Variants in IL4R observed in about 807,000 individuals in gnomAD.
IL4R encodes interleukin-4 receptor subunit alpha.
IL4R carries 17 observed loss-of-function variants against 41.5 expected under a neutral mutation model. That is an observed-to-expected ratio of 0.41 (90% confidence interval 0.28 to 0.61). The LOEUF (loss-of-function observed/expected upper bound fraction) is 0.61. Among genes scored for constraint, IL4R ranks in the 20% least tolerant of loss-of-function variants. The pLI is 0.31. For synonymous variants in IL4R, 402 were observed against 422.9 expected, an observed-to-expected ratio of 0.95 and a Z score of 0.61; for missense variants, 974 against 1,043.1, an observed-to-expected ratio of 0.93 and a Z score of 0.91.
upstream of IL4R, chr16:27,313,969 C>T (rs575497917): frequency 5.1e-6 from 5 of 984,626 alleles, no homozygotes; most frequent in East Asian, 5.7e-4. Flanking sequence ...ACCCAGGGGT[C>T]CCCCACTTCC....
chr16:27,337,575 C>CTTT, intron 2 of IL4R, among the ~76,000 whole-genome samples: 1 of 142,326 alleles, frequency 7.0e-6, no homozygotes, highest in South Asian at 2.2e-4. Flanking sequence ...TTTTCTTTTT[C>CTTT]TTTTTTTTTT....
At chr16:27,323,282 T>C (rs150637706) in intron 1 of IL4R, among the ~76,000 whole-genome samples, 2 of 152,350 alleles carry the variant, frequency 1.3e-5, no homozygotes, top group East Asian at 1.9e-4. Flanking sequence ...AATTCCTACC[T>C]GGTTACTTCC....
At chr16:27,350,711 A>G (rs751138745) in intron 6 of IL4R, among the ~76,000 whole-genome samples, 77 of 152,140 alleles carry the variant, frequency 5.1e-4, no homozygotes, top group Non-Finnish European at 9.7e-4. Flanking sequence ...TTGGAGGGTA[A>G]AAGTAATAGT....
At chr16:27,332,861 A>G (rs1312761765) in intron 2 of IL4R, among the ~76,000 whole-genome samples, 1 of 151,930 alleles carries the variant, frequency 6.6e-6, no homozygotes, top group Non-Finnish European at 1.5e-5. Context: ...TTGATAGGCT[A>G]TATTTTCATT....
intron 1 of IL4R, among the ~76,000 whole-genome samples, chr16:27,323,858 C>T (rs1414301348): frequency 6.6e-6 from 1 of 152,046 alleles, no homozygotes; most frequent in East Asian, 1.9e-4. Context: ...GGGGTCTTGC[C>T]ATGTTACCCA....
intron 6 of IL4R, among the ~76,000 whole-genome samples, chr16:27,350,932 G>A (rs2085846548): frequency 6.6e-6 from 1 of 152,172 alleles, no homozygotes; most frequent in African/African-American, 2.4e-5. Context: ...TGTGTGTTCA[G>A]TCATCGCTGT....
chr16:27,361,202 G>T (rs3024694), intron 10 of IL4R, among the ~76,000 whole-genome samples: 1 of 151,746 alleles, frequency 6.6e-6, no homozygotes, highest in Admixed American at 6.6e-5. Flanking sequence ...GCAGTGGTGC[G>T]ATCATAGCTC....
intron 10 of IL4R, chr16:27,361,117 A>G: frequency 9.3e-7 from 1 of 1,075,596 alleles, no homozygotes; most frequent in South Asian, 1.8e-5. Flanking sequence ...ACTTGTCGGC[A>G]AATAGCCACT....
rs542924139 is a variant in IL4R, at chr16:27,342,870, A to C, written c.209+611A>C. ...ATCTTCAGATCAATTACATGATCACAGGTCATGTAGCCTCTAGAAAATTCC... is the reference window on the plus strand; with the variant it reads ...ATCTTCAGATCAATTACATGATCACCGGTCATGTAGCCTCTAGAAAATTCC... On this transcript the variant is annotated intron_variant, in intron 4 of 10. Transcript: ENST00000395762. 9.2e-5 allele frequency among the ~76,000 whole-genome samples: 14 copies of C among 152,368 alleles called. No homozygotes were observed. In the South Asian group the frequency reaches 1.7e-3, roughly 18 times the overall value.
intron 8 of IL4R, among the ~76,000 whole-genome samples, chr16:27,357,859 A>G (rs1257434458): frequency 6.7e-6 from 1 of 150,256 alleles, no homozygotes; most frequent in African/African-American, 2.4e-5. Flanking sequence ...ACTTATTACC[A>G]TGAATGAATG....
chr16:27,340,857 G>A lies in IL4R; in HGVS notation c.70+584G>A, dbSNP rs1205379920. ...CTCATTGAGCTGACTTGGAGGAAGC[G>A]GGAACCGTGCAGATGTCTGGGGAAG... On this transcript the variant is annotated intron_variant, in intron 3 of 10. Transcript: ENST00000395762. Among the ~76,000 whole-genome samples, 7 of 152,314 alleles carry A rather than the reference G, an allele frequency of 4.6e-5. No individual in the cohort carries two copies. In the East Asian group the frequency reaches 9.7e-4, roughly 21 times the overall value.
intron 1 of IL4R, 190 bp downstream of exon 1, chr16:27,314,210 C>A: frequency 1.3e-6 from 1 of 744,094 alleles, no homozygotes; most frequent in Non-Finnish European, 1.6e-6. Flanking sequence ...CGCCGAACGG[C>A]AGCGGAGGCG....
At chr16:27,344,797 A>T in intron 4 of IL4R, 72 bp from the exon 5 acceptor site, 3 of 1,457,742 alleles carry the variant, frequency 2.1e-6, no homozygotes, top group Non-Finnish European at 2.9e-6. Flanking sequence ...TCCTGGAGGC[A>T]TGTCCCGGAC....
chr16:27,348,402 CA>C (rs2085739414), intron 6 of IL4R, among the ~76,000 whole-genome samples: 1 of 152,200 alleles, frequency 6.6e-6, no homozygotes, highest in Admixed American at 6.5e-5. Flanking sequence ...GTACCACCTT[CA>C]GAGTCCAAAG....
At chr16:27,360,103 T>C (rs3024664) in intron 9 of IL4R, among the ~76,000 whole-genome samples, 128,656 of 151,954 alleles carry the variant, frequency 0.85, 56,020 homozygotes, top group South Asian at 0.94. Context: ...CAACCTCTGC[T>C]TCCTGGGTTC....
chr16:27,363,679 G>T lies in IL4R; in HGVS notation c.2327G>T (p.Cys776Phe). Reference sequence around the variant, plus strand: ...GGGGTTCCACTGGAGGCCAGTCTGTGTCCGGCCTCCCTGGCACCCTCGGGC... The same window carrying T: ...GGGGTTCCACTGGAGGCCAGTCTGTTTCCGGCCTCCCTGGCACCCTCGGGC... ...PGGVPLEASL[C>F]PASLAPSGIS... The change falls in exon 11 of 11, where the codon TGT (cysteine) becomes TTT (phenylalanine). Residue 776 changes from cysteine (C) to phenylalanine (F), a missense_variant. Coordinates refer to ENST00000395762, the MANE Select transcript of IL4R (RefSeq NM_000418.4). 5.6e-6 allele frequency: 9 copies of T among 1,613,874 alleles called. No homozygotes were observed. The highest frequency in any genetic ancestry group is 7.6e-6 in the Non-Finnish European group (9 of 1,180,002).
At position 27,346,542 on chromosome 16, in the gene IL4R, C is replaced by T. The variant is rs139150588; in HGVS notation, c.437C>T (p.Pro146Leu). Residue 146 changes from proline (P) to leucine (L), a missense_variant, in exon 6 of 11, where the codon CCG (proline) becomes CTG (leucine). Transcript: ENST00000395762. Reference protein sequence around the residue: ...SDTLLLTWSNPYPPDNYLYNH... With the variant: ...SDTLLLTWSNLYPPDNYLYNH... ...ACTCTGCTGCTGACCTGGAGCAACC[C>T]GTATCCCCCTGACAATTACCTGTAT... 5.6e-5 allele frequency: 90 copies of T among 1,614,042 alleles called. No homozygotes were observed. The African/African-American group carries it at 5.9e-4, about 11-fold the overall frequency.
chr16:27,313,939 G>T (rs1231521996), upstream of IL4R: 2 of 984,438 alleles, frequency 2.0e-6, no homozygotes, highest in Non-Finnish European at 2.4e-6. Flanking sequence ...GCCCCGCGCG[G>T]CGCGGGCCAG....
At chr16:27,321,192 C>A (rs1471950154) in intron 1 of IL4R, among the ~76,000 whole-genome samples, 1 of 152,158 alleles carries the variant, frequency 6.6e-6, no homozygotes, top group African/African-American at 2.4e-5. Flanking sequence ...GATCCGCCCA[C>A]CTCAGCCTCC....
Sources: gnomAD v4.1 joint callset for allele counts (sites outside exome capture counted in the v4.1 genomes callset) on GRCh38, gnomAD v4.1.1 for gene constraint, MANE v1.5 for transcripts, NCBI Gene and HGNC (gene_info 2026-07-23, HGNC 2026-07-21) for gene names.